The following TOLLIP variants were observed in gnomAD, a reference collection of about 807,000 sequenced individuals.
The protein encoded by TOLLIP is toll interacting protein.
A neutral mutation model predicts 33.5 loss-of-function variants in TOLLIP; 16 were observed. The observed-to-expected ratio is 0.48, with a 90% confidence interval of 0.32 to 0.72. TOLLIP has a LOEUF of 0.72. TOLLIP is among the 30% of genes least tolerant of loss of function. TOLLIP has a pLI of 0.03. For synonymous variants in TOLLIP, 176 were observed against 163.7 expected (o/e 1.07, Z -0.57); for missense variants, 325 against 396.6 (o/e 0.82, Z 1.53).
chr11:1,277,096 C>T lies in TOLLIP; in HGVS notation c.768G>A (p.Gln256=). Residue 256 remains glutamine, a synonymous_variant, in exon 6 of 6, where the codon CAG becomes CAA. Coordinates refer to ENST00000317204, the MANE Select transcript of TOLLIP (RefSeq NM_019009.4). The surrounding 1 kb of genome is among the most constrained non-coding windows in gnomAD (Gnocchi z 4.2). ...QEVIRSVLEA[Q]RGNKDAAINS... ...TGATGGCGGCATCCTTGTTCCCTCGCTGGGCTTCCAGCACGGAGCGGATCA... is the reference window on the plus strand; with the variant it reads ...TGATGGCGGCATCCTTGTTCCCTCGTTGGGCTTCCAGCACGGAGCGGATCA... The T allele has an allele frequency of 6.2e-7, 1 of 1,614,156 alleles. No homozygotes were observed. Among genetic ancestry groups the T allele is most frequent in the Non-Finnish European group, 8.5e-7 (1 of 1,180,036 alleles).
At position 1,290,551 on chromosome 11, in the gene TOLLIP, G is replaced by A. The variant is rs552971763; in HGVS notation, c.184-142C>T. On this transcript the variant is annotated intron_variant, in intron 2 of 5. Transcript: ENST00000317204. The surrounding 1 kb of genome is among the most constrained non-coding windows in gnomAD (Gnocchi z 4.9). ...CAGCCACTCAGAGTCGCCTGAACAC[G>A]GCTGTGACCTGCTTCCCAGGAGGCC... The A allele has an allele frequency of 3.6e-5, 26 of 712,540 alleles. No individual in the cohort carries two copies. The highest frequency in any genetic ancestry group is 3.6e-4 in the African/African-American group (20 of 56,072). The allele number at this position is 712,540 out of a possible 1,614,324, so 44.1% of individuals were successfully genotyped here. A position where few individuals can be genotyped will look rare whatever the true frequency, so the allele number is the denominator to read the frequency against.
chr11:1,290,468 T>C lies in TOLLIP; in HGVS notation c.184-59A>G, dbSNP rs1863898503. The C allele has an allele frequency of 5.2e-6, 8 of 1,533,580 alleles. No individual in the cohort carries two copies. Among genetic ancestry groups the C allele is most frequent in the Non-Finnish European group, 7.2e-6 (8 of 1,115,220 alleles). 95.0% of individuals were successfully genotyped at this position (1,533,580 alleles called of 1,614,324 possible). A position where few individuals can be genotyped will look rare whatever the true frequency, so the allele number is the denominator to read the frequency against. ...CCAACCATCAGGAGAGGGTGGGTTC[T>C]CTAGGCCGTCTGCCTCCCTGAACCC... is the stretch of plus-strand genomic sequence containing the variant. On this transcript the variant is annotated intron_variant, in intron 2 of 5. Transcript: ENST00000317204. This position sits in a 1 kb window ranked among gnomAD's most constrained non-coding sequence, Gnocchi z 4.9.
intron 1 of TOLLIP, among the ~76,000 whole-genome samples, chr11:1,299,983 C>T (rs1307186035): frequency 6.6e-6 from 1 of 152,174 alleles, no homozygotes; most frequent in African/African-American, 2.4e-5. Context: ...AGGCCTCTGT[C>T]GACACCAACT....
chr11:1,296,165 C>G (rs573488918), intron 1 of TOLLIP, among the ~76,000 whole-genome samples: 35 of 152,382 alleles, frequency 2.3e-4, no homozygotes, highest in African/African-American at 8.2e-4. Context: ...GGCAGGGCCA[C>G]TGAACTGCAG....
intron 1 of TOLLIP, among the ~76,000 whole-genome samples, chr11:1,307,358 C>A (rs1012356058): frequency 2.0e-5 from 3 of 152,216 alleles, no homozygotes; most frequent in Admixed American, 2.0e-4. Context: ...CAGCACTTGC[C>A]AGCACAGGCC....
rs1000646276 is a variant in TOLLIP at position 1,309,505 on chromosome 11, G to A, written c.-7C>T. 31 of 1,310,786 alleles carry A rather than the reference G, an allele frequency of 2.4e-5. No individual in the cohort carries two copies. The African/African-American group carries it at 4.0e-4, about 17-fold the overall frequency. The allele number at this position is 1,310,786 out of a possible 1,614,324, so 81.2% of individuals were successfully genotyped here. The stretch of plus-strand genomic sequence containing the variant: ...TGCTGACGGTGGTCGCCATGGTGCT[G>A]CGGCGGCCCCCGTGGCTCGCCGACC... On this transcript the variant is annotated 5_prime_UTR_variant, in exon 1 of 6. Coordinates refer to ENST00000317204, the MANE Select transcript of TOLLIP (RefSeq NM_019009.4).
chr11:1,294,137 T>A (rs1864036144), intron 2 of TOLLIP, among the ~76,000 whole-genome samples: 1 of 149,242 alleles, frequency 6.7e-6, no homozygotes, highest in African/African-American at 2.5e-5. Flanking sequence ...CTCCTTTCCC[T>A]GCATTTCTAC....
At chr11:1,298,433 C>G (rs1864174631) in intron 1 of TOLLIP, 2 of 152,202 alleles carry the variant, frequency 1.3e-5, no homozygotes, top group African/African-American at 4.8e-5. Context: ...GGTCCAGAGG[C>G]CTCTGAGGGA....
rs905448768 is a variant in TOLLIP at position 1,307,135 on chromosome 11, G to A, written c.33+2331C>T. Among the ~76,000 whole-genome samples, 58 of 152,300 alleles carry A rather than the reference G, an allele frequency of 3.8e-4. 1 individual carries two copies. The highest frequency in any genetic ancestry group is 1.3e-3 in the Admixed American group (20 of 15,304). On this transcript the variant is annotated intron_variant, in intron 1 of 5. Coordinates refer to ENST00000317204, the MANE Select transcript of TOLLIP (RefSeq NM_019009.4). Reference sequence around the variant, plus strand: ...ATGGCCATCCTGAACGCCACAGTTGGTAGCGCTGGTTGATTAAGTCACATG... The same window carrying A: ...ATGGCCATCCTGAACGCCACAGTTGATAGCGCTGGTTGATTAAGTCACATG...
chr11:1,288,994 TGGGCCA>T (rs1044578941), intron 3 of TOLLIP, among the ~76,000 whole-genome samples: 3 of 152,204 alleles, frequency 2.0e-5, no homozygotes, highest in South Asian at 2.1e-4. Flanking sequence ...TCCACCAGGA[TGGGCCA>T]GGGCCAGGGC....
chr11:1,286,316 C>T (rs889936663), intron 4 of TOLLIP, among the ~76,000 whole-genome samples: 2 of 152,176 alleles, frequency 1.3e-5, no homozygotes. Flanking sequence ...TGACATGGCT[C>T]GGGCTTACAG....
intron 2 of TOLLIP, chr11:1,295,404 A>G: frequency 2.3e-6 from 1 of 432,204 alleles, no homozygotes; most frequent in Non-Finnish European, 4.1e-6. Context: ...CAGGCCCTAC[A>G]CAGAGCAGAC....
intron 1 of TOLLIP, among the ~76,000 whole-genome samples, chr11:1,296,473 G>T (rs1864115055): frequency 6.6e-6 from 1 of 152,280 alleles, no homozygotes; most frequent in Admixed American, 6.5e-5. Context: ...GGCCGAAGGG[G>T]CCTGGGGTAA....
rs1355033089 is a variant in TOLLIP at position 1,275,491 on chromosome 11, C to G, written c.*1548G>C. 1.3e-5 allele frequency: 2 copies of G among 152,156 alleles called. No homozygotes were observed. Among genetic ancestry groups the G allele is most frequent in the Admixed American group, 1.3e-4 (2 of 15,276 alleles). The allele number at this position is 152,156 out of a possible 1,614,324, so 9.4% of individuals were successfully genotyped here. On this transcript the variant is annotated 3_prime_UTR_variant, in exon 6 of 6. Transcript: ENST00000317204. Reference sequence around the variant, plus strand: ...GACCAGGCCATCTGAGACAGGGAATCCCAGGGGCCCCTCCGTCTGAGTGGT... The same window carrying G: ...GACCAGGCCATCTGAGACAGGGAATGCCAGGGGCCCCTCCGTCTGAGTGGT...
At position 1,276,973 on chromosome 11, in the gene TOLLIP, T is replaced by C; in HGVS notation, c.*66A>G. The C allele has an allele frequency of 1.3e-6, 2 of 1,593,050 alleles. No homozygotes were observed. Among genetic ancestry groups the C allele is most frequent in the African/African-American group, 2.7e-5 (2 of 74,690 alleles). ...TCACGGGAATCTTGTTGGGACAGCA[T>C]TCCTTGGGGAGCGCCGGGTCGGCGT... On this transcript the variant is annotated 3_prime_UTR_variant, in exon 6 of 6. Coordinates refer to ENST00000317204, the MANE Select transcript of TOLLIP (RefSeq NM_019009.4).
chr11:1,279,530 G>A (rs534055772), intron 5 of TOLLIP, among the ~76,000 whole-genome samples: 7 of 152,328 alleles, frequency 4.6e-5, no homozygotes, highest in Admixed American at 1.3e-4. Context: ...ATGGGAGCCC[G>A]GGGCAGCCCA....
At chr11:1,295,848 GC>G (rs1864098154) in intron 1 of TOLLIP, 54 bp from the exon 2 acceptor site, 2 of 1,497,884 alleles carry the variant, frequency 1.3e-6, no homozygotes, top group Non-Finnish European at 1.8e-6. Flanking sequence ...GCACAAAGCA[GC>G]CCGACAGCAG....
At chr11:1,281,229 T>C (rs943700175) in intron 5 of TOLLIP, among the ~76,000 whole-genome samples, 1 of 152,248 alleles carries the variant, frequency 6.6e-6, no homozygotes, top group African/African-American at 2.4e-5. Context: ...GCCATGATCA[T>C]GGCGTAAAAG....
At position 1,295,719 on chromosome 11, in the gene TOLLIP, C is replaced by A. The variant is rs936636982; in HGVS notation, c.109G>T (p.Ala37Ser). Residue 37 changes from alanine to serine, a missense_variant, in exon 2 of 6, where the codon GCC (alanine) becomes TCC (serine). Coordinates refer to ENST00000317204, the MANE Select transcript of TOLLIP (RefSeq NM_019009.4). ...TACTGCAGCTGCTGGGCCGCCTGGGCGTCCAGCTGGACCTGCCGCTGCTGC... is the reference window on the plus strand; with the variant it reads ...TACTGCAGCTGCTGGGCCGCCTGGGAGTCCAGCTGGACCTGCCGCTGCTGC... ...TQQQRQVQLD[A>S]QAAQQLQYGG... 1.2e-6 allele frequency: 2 copies of A among 1,610,110 alleles called. No individual in the cohort carries two copies. The highest frequency in any genetic ancestry group is 1.7e-6 in the Non-Finnish European group (2 of 1,178,708).
Sources: allele counts gnomAD v4.1 joint callset (sites outside exome capture counted in the v4.1 genomes callset), GRCh38; gene constraint gnomAD v4.1.1; non-coding constraint Gnocchi (gnomAD v3.1); transcripts MANE v1.5; gene names NCBI Gene and HGNC (gene_info 2026-07-23, HGNC 2026-07-21).